PRR14L: variants seen among roughly 807,000 people sequenced by gnomAD.
The protein encoded by PRR14L is protein PRR14L.
PRR14L carries 80 observed loss-of-function variants against 155.0 expected under a neutral mutation model. The observed-to-expected ratio is 0.52, with a 90% CI of 0.43 to 0.62. The LOEUF is 0.62. Ranked by LOEUF, PRR14L falls within the 20% of genes least tolerant of loss-of-function variation. The pLI is 0.00. For missense variants in PRR14L, 2,469 were observed against 2,548.0 expected, an observed-to-expected ratio of 0.97 and a Z score of 0.67; for synonymous variants, 883 against 916.0, an observed-to-expected ratio of 0.96 and a Z score of 0.65.
chr22:31,706,116 G>C (rs2074589521), intron 4 of PRR14L, among the ~76,000 whole-genome samples: 1 of 151,094 alleles, frequency 6.6e-6, no homozygotes, highest in African/African-American at 2.4e-5. Context: ...TGGATCACCT[G>C]AGGTGAGGAA....
intron 6 of PRR14L, 25 bp downstream of exon 6, chr22:31,703,525 G>A (rs1346503084): frequency 3.7e-5 from 60 of 1,601,306 alleles, no homozygotes; most frequent in Non-Finnish European, 5.0e-5. Context: ...ACCATCATCT[G>A]ACCCAACCAG....
Position 31,738,517 on chromosome 22 carries a change from T to C in PRR14L, c.344A>G (p.Glu115Gly), listed in dbSNP as rs1482004576. 1.3e-6 allele frequency: 2 copies of C among 1,551,924 alleles called. No homozygotes were observed. Among genetic ancestry groups the C allele is most frequent in the African/African-American group, 2.7e-5 (2 of 73,050 alleles). ...SGILDRAKRS[E>G]SMEPKVFRDP... The stretch of plus-strand genomic sequence containing the variant: ...TCTGAAGACCTTTGGCTCCATGCTC[T>C]CGCTTCTCTTTGCCCTATCCAAGAT... Residue 115 changes from glutamate (E) to glycine (G), a missense_variant, in exon 2 of 9, where the codon GAG becomes GGG. Transcript: ENST00000327423.
rs745490244 is a variant in PRR14L, at chr22:31,712,926, C to A, written c.4913G>T (p.Arg1638Leu). The change falls in exon 4 of 9, where the codon CGA (arginine) becomes CTA (leucine). Residue 1638 changes from arginine to leucine, a missense_variant. By Grantham distance (102) the Arg-to-Leu change is moderately radical. This residue lies in a region of PRR14L where 2,363 missense variants were observed against 2,371.6 expected (regional missense o/e 1.00). Coordinates refer to ENST00000327423, the MANE Select transcript of PRR14L (RefSeq NM_173566.3). ...TGGAAGAAGTTCAGAGGAACACCGT[C>A]GGTATCTTAGCTTCTGAGTCTTCAT... ...PAMKTQKLRY[R>L]RCSSELLPMA... is the part of the protein sequence containing the mutation. The A allele has an allele frequency of 6.4e-7, 1 of 1,551,806 alleles. No individual in the cohort carries two copies. The highest frequency in any genetic ancestry group is 1.7e-4 in the Middle Eastern group (1 of 5,992).
chr22:31,744,308 T>C (rs2074827004), intron 1 of PRR14L, among the ~76,000 whole-genome samples: 1 of 152,100 alleles, frequency 6.6e-6, no homozygotes, highest in African/African-American at 2.4e-5. Context: ...AATTTTGTAT[T>C]TTTTAATAGA....
chr22:31,717,440 T>G, intron 3 of PRR14L, 149 bp from the exon 4 acceptor site: 1 of 646,504 alleles, frequency 1.5e-6, no homozygotes, highest in Non-Finnish European at 2.6e-6. Context: ...ATACCATTGA[T>G]TTTGTTCTTC....
At chr22:31,705,278 T>A (rs748668660) in intron 4 of PRR14L, among the ~76,000 whole-genome samples, 4 of 152,246 alleles carry the variant, frequency 2.6e-5, no homozygotes, top group Non-Finnish European at 5.9e-5. Flanking sequence ...AAATAAATTT[T>A]AAAAAATTTA....
intron 6 of PRR14L, among the ~76,000 whole-genome samples, chr22:31,702,222 T>A (rs954304450): frequency 6.6e-6 from 1 of 152,098 alleles, no homozygotes; most frequent in Non-Finnish European, 1.5e-5. Context: ...CTGCTTTTTT[T>A]ATTATTTATT....
At position 31,738,118 on chromosome 22, in the gene PRR14L, C is replaced by T. The variant is rs569555979; in HGVS notation, c.474+269G>A. 3.7e-4 allele frequency among the ~76,000 whole-genome samples: 56 copies of T among 152,216 alleles called. No individual in the cohort carries two copies. The South Asian group carries it at 0.012, about 32-fold the overall frequency. On this transcript the variant is annotated intron_variant, in intron 2 of 8. Transcript: ENST00000327423. ...CTATATCATTTCTTAACATCAAATGCTGAAATACCATGATTTTCACAGACT... is the reference window on the plus strand; with the variant it reads ...CTATATCATTTCTTAACATCAAATGTTGAAATACCATGATTTTCACAGACT...
In PRR14L at chr22:31,712,294, G is replaced by C. The variant is rs1278720628; in HGVS notation, c.5545C>G (p.Gln1849Glu). The C allele has an allele frequency of 6.2e-7, 1 of 1,614,098 alleles. No individual in the cohort carries two copies. The highest frequency in any genetic ancestry group is 8.5e-7 in the Non-Finnish European group (1 of 1,179,946). ...RSFSSHMPTM[Q>E]RLFMTQFTQG... ...GTAAACTGGGTCATGAAGAGCCTCTGCATGGTAGGCATGTGGCTGGAGAAG... is the reference window on the plus strand; with the variant it reads ...GTAAACTGGGTCATGAAGAGCCTCTCCATGGTAGGCATGTGGCTGGAGAAG... Residue 1849 changes from glutamine (Q) to glutamate (E), a missense_variant, in exon 4 of 9, where the codon CAG becomes GAG. Around this residue, in one of 2 missense-constraint regions of PRR14L, gnomAD observed 2,363 missense variants for 2,371.6 expected, o/e 1.00. Transcript: ENST00000327423.
intron 4 of PRR14L, among the ~76,000 whole-genome samples, 192 bp downstream of exon 4, chr22:31,711,891 A>G (rs1209631168): frequency 1.3e-5 from 2 of 151,938 alleles, no homozygotes; most frequent in South Asian, 4.1e-4. Flanking sequence ...AGGAAAACTG[A>G]GCAGGGGGTG....
intron 3 of PRR14L, among the ~76,000 whole-genome samples, chr22:31,725,284 TA>T (rs1351198845): frequency 1.1e-4 from 16 of 152,178 alleles, no homozygotes; most frequent in Non-Finnish European, 2.1e-4. Context: ...GTCACGCCTG[TA>T]GTCCCAGCTA....
chr22:31,734,779 T>C (rs1465778065), intron 2 of PRR14L, among the ~76,000 whole-genome samples: 7 of 152,208 alleles, frequency 4.6e-5, no homozygotes, highest in Admixed American at 3.3e-4. Flanking sequence ...CATTCCTGGT[T>C]TTCTATACCT....
At chr22:31,739,274 T>C (rs2074799486) in intron 1 of PRR14L, among the ~76,000 whole-genome samples, 1 of 152,238 alleles carries the variant, frequency 6.6e-6, no homozygotes, top group Non-Finnish European at 1.5e-5. Flanking sequence ...TTCATGGGCA[T>C]GAACCTTACC....
At chr22:31,705,428 C>CAA (rs1166124826) in intron 4 of PRR14L, among the ~76,000 whole-genome samples, 1 of 152,006 alleles carries the variant, frequency 6.6e-6, no homozygotes, top group Non-Finnish European at 1.5e-5. Flanking sequence ...GGCTGGAGTG[C>CAA]AATGGTGTGA....
intron 3 of PRR14L, among the ~76,000 whole-genome samples, chr22:31,718,294 C>T (rs1028192812): frequency 3.6e-4 from 54 of 148,134 alleles, no homozygotes; most frequent in African/African-American, 1.3e-3. Flanking sequence ...CTTGCTTTGT[C>T]GCCCAGGCTG....
intron 6 of PRR14L, 106 bp downstream of exon 6, chr22:31,703,444 A>G: frequency 4.7e-6 from 5 of 1,064,460 alleles, no homozygotes; most frequent in Non-Finnish European, 6.8e-6. Context: ...TGAAGGTGGT[A>G]CGTAAAGATA....
intron 7 of PRR14L, among the ~76,000 whole-genome samples, chr22:31,691,789 T>C (rs933866490): frequency 1.3e-5 from 2 of 152,192 alleles, no homozygotes; most frequent in Admixed American, 1.3e-4. Context: ...CTGAGGAACA[T>C]TTGGTTTCCA....
intron 7 of PRR14L, among the ~76,000 whole-genome samples, chr22:31,690,866 T>G (rs1247980605): frequency 6.6e-6 from 1 of 151,742 alleles, no homozygotes; most frequent in Non-Finnish European, 1.5e-5. Flanking sequence ...GGTCTCAAAC[T>G]CCTGATCTTG....
At chr22:31,721,546 C>T (rs35553712) in intron 3 of PRR14L, among the ~76,000 whole-genome samples, 43,919 of 147,118 alleles carry the variant, frequency 0.3, 8,285 homozygotes, top group Middle Eastern at 0.5. Context: ...CTGGCCTGGG[C>T]GACAGAGCAA....
Sources: allele counts gnomAD v4.1 joint callset (sites outside exome capture counted in the v4.1 genomes callset), GRCh38; gene constraint gnomAD v4.1.1; regional missense constraint gnomAD v4.1.1; transcripts MANE v1.5; gene names NCBI Gene and HGNC (gene_info 2026-07-23, HGNC 2026-07-21).